Variants in ATRNL1 observed in about 807,000 individuals in gnomAD.
The protein encoded by ATRNL1 is attractin-like protein 1.
A neutral mutation model predicts 182.7 loss-of-function variants in ATRNL1; 95 were observed. The observed-to-expected ratio is 0.52, with a 90% confidence interval of 0.44 to 0.62. The LOEUF is 0.62. ATRNL1 is among the 20% of genes least tolerant of loss of function. ATRNL1 has a pLI of 0.00. For synonymous variants in ATRNL1, 576 were observed against 568.3 expected (o/e 1.01, Z -0.19); for missense variants, 1,471 against 1,679.5 (o/e 0.88, Z 2.17).
intron 27 of ATRNL1, among the ~76,000 whole-genome samples, chr10:115,746,723 TAAAA>T (rs1201528709): frequency 6.6e-6 from 1 of 152,016 alleles, no homozygotes; most frequent in African/African-American, 2.4e-5. Flanking sequence ...TAATTAAGAA[TAAAA>T]GGAGGAAAGA....
At chr10:115,872,765 G>GA (rs1306464105) in intron 28 of ATRNL1, among the ~76,000 whole-genome samples, 1 of 152,236 alleles carries the variant, frequency 6.6e-6, no homozygotes, top group Non-Finnish European at 1.5e-5. Flanking sequence ...GAGCCCCAGA[G>GA]AAAGAGCAAC....
intron 19 of ATRNL1, among the ~76,000 whole-genome samples, chr10:115,350,159 A>G (rs1298989978): frequency 6.6e-6 from 1 of 151,728 alleles, no homozygotes; most frequent in African/African-American, 2.4e-5. Flanking sequence ...AACATGGTGA[A>G]ACCCCATCTC....
intron 15 of ATRNL1, among the ~76,000 whole-genome samples, chr10:115,293,643 G>C (rs925256954): frequency 6.6e-6 from 1 of 152,112 alleles, no homozygotes; most frequent in African/African-American, 2.4e-5. Flanking sequence ...TTATTGTAAG[G>C]CTAGTCTATT....
chr10:115,631,154 A>G (rs1415481757), intron 26 of ATRNL1, among the ~76,000 whole-genome samples: 8 of 152,038 alleles, frequency 5.3e-5, no homozygotes, highest in Admixed American at 2.6e-4. Flanking sequence ...TCTAATGTGC[A>G]GCATGGGGAG....
At chr10:115,230,040 T>G (rs528488160) in intron 9 of ATRNL1, among the ~76,000 whole-genome samples, 34 of 152,292 alleles carry the variant, frequency 2.2e-4, no homozygotes, top group Non-Finnish European at 4.4e-4. Flanking sequence ...TTCCTTGCTT[T>G]TCATTGCATG....
intron 28 of ATRNL1, among the ~76,000 whole-genome samples, chr10:115,878,494 T>C (rs1455373574): frequency 6.6e-6 from 1 of 152,230 alleles, no homozygotes; most frequent in East Asian, 1.9e-4. Context: ...ACTTGCAGAA[T>C]ACCAGATAAT....
intron 24 of ATRNL1, among the ~76,000 whole-genome samples, chr10:115,509,399 G>A (rs2133666253): frequency 6.6e-6 from 1 of 152,082 alleles, no homozygotes; most frequent in Non-Finnish European, 1.5e-5. Flanking sequence ...CCTGGTGGGA[G>A]GTGATTGGAT....
intron 5 of ATRNL1, among the ~76,000 whole-genome samples, chr10:115,133,268 T>G (rs1283833346): frequency 2.0e-5 from 3 of 152,158 alleles, no homozygotes; most frequent in African/African-American, 7.2e-5. Flanking sequence ...TTCTGAGGGC[T>G]CTGTTCTGTT....
rs1843893807 is a variant in ATRNL1 at position 115,389,565 on chromosome 10, T to TGTAC, written c.3176-5094_3176-5093insGTAC. On this transcript the variant is annotated intron_variant, in intron 19 of 28. Transcript: ENST00000355044. ...GTATATATATATATATATATATATATATATATATATATATATATATATATA... is the reference window on the plus strand; with the variant it reads ...GTATATATATATATATATATATATATGTACATATATATATATATATATATATATA... Among the ~76,000 whole-genome samples the TGTAC allele has an allele frequency of 5.3e-5, 6 of 113,810 alleles. 1 individual carries two copies. The highest frequency in any genetic ancestry group is 2.0e-4 in the African/African-American group (6 of 29,736). The allele number at this position is 113,810 out of a possible 152,430, so 74.7% of individuals were successfully genotyped here.
chr10:115,285,299 G>T (rs1554918305), intron 14 of ATRNL1, among the ~76,000 whole-genome samples: 1 of 152,088 alleles, frequency 6.6e-6, no homozygotes, highest in East Asian at 1.9e-4. Flanking sequence ...GAGAAGTTCT[G>T]TGGGACCCTC....
rs540825031 is a variant in ATRNL1, at chr10:115,541,895, T to A, written c.3717-7563T>A. ...CAAGGGTATATTGTCTTTGTGATAATTTATTGAGCTATATACTTAGGGTTT... is the reference window on the plus strand; with the variant it reads ...CAAGGGTATATTGTCTTTGTGATAAATTATTGAGCTATATACTTAGGGTTT... On this transcript the variant is annotated intron_variant, in intron 25 of 28. Transcript: ENST00000355044. Among the ~76,000 whole-genome samples the A allele has an allele frequency of 2.6e-3, 401 of 152,300 alleles. 1 individual carries two copies. Among genetic ancestry groups the A allele is most frequent in the African/African-American group, 9.0e-3 (376 of 41,572 alleles).
At chr10:115,241,834 G>A (rs1850435888) in intron 10 of ATRNL1, 109 bp downstream of exon 10, 1 of 889,694 alleles carries the variant, frequency 1.1e-6, no homozygotes, top group African/African-American at 1.7e-5. Context: ...TTAGAGTTAA[G>A]TGATAGAATA....
At chr10:115,729,524 TGTG>T (rs1555061953) in intron 27 of ATRNL1, among the ~76,000 whole-genome samples, 1 of 151,710 alleles carries the variant, frequency 6.6e-6, no homozygotes, top group East Asian at 1.9e-4. Context: ...TGTGTGTGTG[TGTG>T]TGTGTGTGTT....
chr10:115,753,624 C>T (rs140514695), intron 27 of ATRNL1, among the ~76,000 whole-genome samples: 11 of 152,144 alleles, frequency 7.2e-5, no homozygotes, highest in Middle Eastern at 3.4e-3. Flanking sequence ...TGAACAGTGC[C>T]GCAATAAACA....
At position 115,573,913 on chromosome 10, in the gene ATRNL1, G is replaced by T. The variant is rs530436811; in HGVS notation, c.3795+24377G>T. 5.3e-5 allele frequency among the ~76,000 whole-genome samples: 8 copies of T among 152,190 alleles called. No individual in the cohort carries two copies. In the South Asian group the frequency reaches 1.7e-3, roughly 32 times the overall value. On this transcript the variant is annotated intron_variant, in intron 26 of 28. Coordinates refer to ENST00000355044, the MANE Select transcript of ATRNL1 (RefSeq NM_207303.4). Reference sequence around the variant, plus strand: ...AAAATACTGAATAATCAAATGCCAGGTATGTAATTAAGAAAAGAGTTGAAA... The same window carrying T: ...AAAATACTGAATAATCAAATGCCAGTTATGTAATTAAGAAAAGAGTTGAAA...
At chr10:115,619,029 T>G (rs1857581108) in intron 26 of ATRNL1, among the ~76,000 whole-genome samples, 1 of 152,216 alleles carries the variant, frequency 6.6e-6, no homozygotes, top group South Asian at 2.1e-4. Flanking sequence ...ATACTTTGGC[T>G]TTGGTTCTGT....
At position 115,778,843 on chromosome 10, in the gene ATRNL1, A is replaced by G. The variant is rs566797699; in HGVS notation, c.3903+51488A>G. On this transcript the variant is annotated intron_variant, in intron 27 of 28. Transcript: ENST00000355044. Reference sequence around the variant, plus strand: ...CTAGAGGCAAAATGACCACAAGGCAATGAGGACGTGAACCAAGGACACTGA... The same window carrying G: ...CTAGAGGCAAAATGACCACAAGGCAGTGAGGACGTGAACCAAGGACACTGA... Among the ~76,000 whole-genome samples, 49 of 152,316 alleles carry G rather than the reference A, an allele frequency of 3.2e-4. 1 individual carries two copies. The South Asian group carries it at 8.1e-3, about 25-fold the overall frequency.
At chr10:115,801,431 A>G (rs1000630902) in intron 27 of ATRNL1, among the ~76,000 whole-genome samples, 1 of 152,240 alleles carries the variant, frequency 6.6e-6, no homozygotes, top group Non-Finnish European at 1.5e-5. Flanking sequence ...AAAAGTTCTG[A>G]AATTTCAGCA....
intron 24 of ATRNL1, among the ~76,000 whole-genome samples, 179 bp from the exon 25 acceptor site, chr10:115,519,084 G>A (rs1422315856): frequency 2.0e-5 from 3 of 151,872 alleles, no homozygotes; most frequent in African/African-American, 7.2e-5. Context: ...ACCATCATTA[G>A]CAGTTGGATA....
Sources: gnomAD v4.1 joint callset for allele counts (sites outside exome capture counted in the v4.1 genomes callset) on GRCh38, gnomAD v4.1.1 for gene constraint, MANE v1.5 for transcripts, NCBI Gene and HGNC (gene_info 2026-07-23, HGNC 2026-07-21) for gene names.